The following FHL2 variants were observed in gnomAD, a reference collection of about 807,000 sequenced individuals.
FHL2 encodes four and a half LIM domains protein 2.
In FHL2, 20 loss-of-function variants were observed where a neutral mutation model predicts 32.7. The ratio of observed to expected loss-of-function variants is 0.61; its 90% CI spans 0.43 to 0.89. The LOEUF (loss-of-function observed/expected upper bound fraction) is 0.89, where lower values mean the gene tolerates loss of function less well. FHL2 is among the 40% of genes least tolerant of loss of function. FHL2 has a pLI of 0.00. For missense variants in FHL2, 311 were observed against 358.6 expected, an observed-to-expected ratio of 0.87 and a Z score of 1.07; for synonymous variants, 123 against 128.1, an observed-to-expected ratio of 0.96 and a Z score of 0.27.
chr2:105,398,853 ACTCCGGCTCTG>A lies in FHL2; in HGVS notation c.-98_-88del. On this transcript the variant is annotated 5_prime_UTR_variant, in exon 1 of 7. Coordinates refer to ENST00000530340, the MANE Select transcript of FHL2 (RefSeq NM_001318895.3). Reference sequence around the variant, plus strand: ...TGCTCTCCTCTCACCAGTCTCCCCAACTCCGGCTCTGCTCCCCTCTCCTTGGGTCTCGCACC... The same window carrying A: ...TGCTCTCCTCTCACCAGTCTCCCCAACTCCCCTCTCCTTGGGTCTCGCACC... The A allele has an allele frequency of 6.9e-7, 1 of 1,449,902 alleles. No individual in the cohort carries two copies. Among genetic ancestry groups the A allele is most frequent in the Non-Finnish European group, 9.1e-7 (1 of 1,103,752 alleles). The allele number at this position is 1,449,902 out of a possible 1,614,324, so 89.8% of individuals were successfully genotyped here.
At chr2:105,410,196 C>T (rs1428857297) in intron 1 of FHL2, among the ~76,000 whole-genome samples, 1 of 152,208 alleles carries the variant, frequency 6.6e-6, no homozygotes, top group Non-Finnish European at 1.5e-5. Flanking sequence ...CTTTGTCCCC[C>T]AAAAGGAATC....
chr2:105,433,604 G>A (rs1484142976), intron 1 of FHL2, among the ~76,000 whole-genome samples: 1 of 152,048 alleles, frequency 6.6e-6, no homozygotes, highest in African/African-American at 2.4e-5. Context: ...CTGCCTCTGT[G>A]CCCCTTTGCC....
At chr2:105,434,666 C>A (rs1684535924) in intron 1 of FHL2, among the ~76,000 whole-genome samples, 1 of 152,114 alleles carries the variant, frequency 6.6e-6, no homozygotes, top group Non-Finnish European at 1.5e-5. Flanking sequence ...CTTCAGTTTC[C>A]TTCTCTGAAA....
intron 1 of FHL2, among the ~76,000 whole-genome samples, chr2:105,417,293 A>G: frequency 6.6e-6 from 1 of 151,838 alleles, no homozygotes; most frequent in East Asian, 1.9e-4. Flanking sequence ...GAGGCAGGAG[A>G]ATCGCTTGAA....
intron 1 of FHL2, among the ~76,000 whole-genome samples, chr2:105,414,755 G>C (rs1224491694): frequency 1.3e-5 from 2 of 152,192 alleles, no homozygotes; most frequent in Non-Finnish European, 2.9e-5. Context: ...GTTTTGCCAT[G>C]TTGGCCAGGC....
intron 1 of FHL2, among the ~76,000 whole-genome samples, chr2:105,430,655 C>G (rs896124342): frequency 1.3e-5 from 2 of 152,116 alleles, no homozygotes; most frequent in African/African-American, 4.8e-5. Flanking sequence ...GCAACAAGAG[C>G]GAAACTCCAT....
At chr2:105,400,358 A>C (rs932570247), upstream of FHL2, among the ~76,000 whole-genome samples, 8 of 152,030 alleles carry the variant, frequency 5.3e-5, no homozygotes, top group Non-Finnish European at 1.5e-5. Context: ...AGATGTGCGG[A>C]ATACAGCCCT....
At chr2:105,425,736 C>A (rs556962883) in intron 1 of FHL2, among the ~76,000 whole-genome samples, 1 of 151,660 alleles carries the variant, frequency 6.6e-6, no homozygotes, top group African/African-American at 2.4e-5. Context: ...CTTACGTGCA[C>A]GTCCAGTCAT....
chr2:105,417,890 C>T (rs1683980907), intron 1 of FHL2, among the ~76,000 whole-genome samples: 1 of 152,042 alleles, frequency 6.6e-6, no homozygotes, highest in Non-Finnish European at 1.5e-5. Context: ...CACCTTGATT[C>T]CTGCTAAGGC....
At chr2:105,369,919 A>G (rs1680904203) in intron 4 of FHL2, among the ~76,000 whole-genome samples, 1 of 152,190 alleles carries the variant, frequency 6.6e-6, no homozygotes, top group South Asian at 2.1e-4. Flanking sequence ...CGTGCACCTC[A>G]GGCATGGCGA....
chr2:105,387,289 T>C (rs1246619659), intron 2 of FHL2, among the ~76,000 whole-genome samples: 1 of 152,206 alleles, frequency 6.6e-6, no homozygotes, highest in South Asian at 2.1e-4. Flanking sequence ...TTATGATTCA[T>C]GATTTGAATA....
intron 1 of FHL2, among the ~76,000 whole-genome samples, chr2:105,424,999 A>G (rs1468546416): frequency 2.0e-5 from 3 of 152,090 alleles, no homozygotes; most frequent in Non-Finnish European, 4.4e-5. Flanking sequence ...CCGTACATGT[A>G]CCCCAGAACT....
chr2:105,408,329 C>T (rs770209182), intron 1 of FHL2, among the ~76,000 whole-genome samples: 9 of 152,226 alleles, frequency 5.9e-5, no homozygotes, highest in Non-Finnish European at 8.8e-5. Flanking sequence ...CTAATACATG[C>T]ACACCTTCCT....
chr2:105,402,199 A>G (rs924995843), upstream of FHL2, among the ~76,000 whole-genome samples: 17 of 149,388 alleles, frequency 1.1e-4, no homozygotes, highest in Admixed American at 2.0e-4. Flanking sequence ...ATGTATATAT[A>G]TGTGTATATA....
At chr2:105,418,674 T>G (rs1289663595) in intron 1 of FHL2, among the ~76,000 whole-genome samples, 1 of 152,196 alleles carries the variant, frequency 6.6e-6, no homozygotes, top group African/African-American at 2.4e-5. Flanking sequence ...GTGTATTTAT[T>G]CATACAGTAG....
At chr2:105,370,374 CAA>C (rs57298525) in intron 4 of FHL2, among the ~76,000 whole-genome samples, 2 of 139,890 alleles carry the variant, frequency 1.4e-5, no homozygotes, top group African/African-American at 2.6e-5. Context: ...GATCCTGGCT[CAA>C]AAAAAAAAAA....
At chr2:105,370,434 C>A (rs1023257523) in intron 4 of FHL2, among the ~76,000 whole-genome samples, 2 of 151,752 alleles carry the variant, frequency 1.3e-5, no homozygotes, top group Admixed American at 6.6e-5. Flanking sequence ...GAGACAGAAT[C>A]GCTACTTGAG....
intron 2 of FHL2, 78 bp from the exon 3 acceptor site, chr2:105,386,618 A>G (rs1288736929): frequency 7.1e-6 from 9 of 1,272,616 alleles, no homozygotes; most frequent in Admixed American, 2.0e-5. Flanking sequence ...TAACTGTCCC[A>G]CTGTCTGTCA....
At chr2:105,420,095 G>A (rs569197863) in intron 1 of FHL2, among the ~76,000 whole-genome samples, 4 of 152,298 alleles carry the variant, frequency 2.6e-5, no homozygotes, top group Admixed American at 2.0e-4. Context: ...TCATCACAAA[G>A]TACCACACAC....
Sources: allele counts gnomAD v4.1 joint callset (sites outside exome capture counted in the v4.1 genomes callset), GRCh38; gene constraint gnomAD v4.1.1; transcripts MANE v1.5; gene names NCBI Gene and HGNC (gene_info 2026-07-23, HGNC 2026-07-21).